The following ADGRF1 variants were observed in gnomAD, a reference collection of about 807,000 sequenced individuals.
ADGRF1 encodes the protein adhesion G protein-coupled receptor F1.
ADGRF1 carries 85 observed loss-of-function variants against 87.2 expected under a neutral mutation model. The observed-to-expected ratio is 0.97, with a 90% confidence interval of 0.82 to 1.17. The LOEUF (loss-of-function observed/expected upper bound fraction) is 1.17. Ranked by LOEUF, ADGRF1 falls within the 50% of genes most tolerant of loss-of-function variation. The probability of loss-of-function intolerance (pLI) is 0.00; values close to 1 mark genes in which losing one functional copy is unlikely to be tolerated. For missense variants in ADGRF1, 1,169 were observed against 1,077.2 expected, an observed-to-expected ratio of 1.09 and a Z score of -1.19; for synonymous variants, 430 against 408.8, an observed-to-expected ratio of 1.05 and a Z score of -0.63.
chr6:47,023,709 AAGAG>A (rs1327474910), intron 5 of ADGRF1, among the ~76,000 whole-genome samples: 1 of 152,202 alleles, frequency 6.6e-6, no homozygotes, highest in African/African-American at 2.4e-5. Context: ...AAGACGTGAA[AAGAG>A]AGTAGGAAGA....
chr6:47,007,114 C>T, intron 12 of ADGRF1, 139 bp downstream of exon 12: 1 of 494,236 alleles, frequency 2.0e-6, no homozygotes, highest in Non-Finnish European at 3.6e-6. Context: ...CTGAGCCTGA[C>T]TTCTCTAAAA....
chr6:47,038,641 A>G (rs1780657951), intron 1 of ADGRF1, among the ~76,000 whole-genome samples: 1 of 152,176 alleles, frequency 6.6e-6, no homozygotes, highest in Non-Finnish European at 1.5e-5. Flanking sequence ...TATTATTGTT[A>G]AGTATAATCA....
intron 13 of ADGRF1, among the ~76,000 whole-genome samples, chr6:47,004,272 T>C (rs1779451362): frequency 6.6e-6 from 1 of 152,210 alleles, no homozygotes; most frequent in Non-Finnish European, 1.5e-5. Flanking sequence ...GGGGTCCTGC[T>C]TTTTCATTCA....
chr6:47,013,004 C>T (rs935625898), intron 9 of ADGRF1: 33 of 889,940 alleles, frequency 3.7e-5, no homozygotes, highest in Non-Finnish European at 4.2e-5. Flanking sequence ...GAACTCTTGA[C>T]CTCATGATCT....
chr6:47,009,366 A>T lies in ADGRF1; in HGVS notation c.2069T>A (p.Phe690Tyr). The T allele has an allele frequency of 1.2e-6, 2 of 1,614,174 alleles. No individual in the cohort carries two copies. The highest frequency in any genetic ancestry group is 4.5e-5 in the East Asian group (2 of 44,884). Residue 690 changes from phenylalanine to tyrosine, a missense_variant, in exon 11 of 15, where the codon TTC becomes TAC. By Grantham distance (22) the Phe-to-Tyr change is conservative. Coordinates refer to ENST00000371253, the MANE Select transcript of ADGRF1 (RefSeq NM_153840.4). ...CATCAAATGCTGGGCCATGTGATGG[A>T]ACACGAGGATGATCCGGTAAGCCAG... is the stretch of plus-strand genomic sequence containing the variant. ...ILLAYRIILV[F>Y]HHMAQHLMMA...
At chr6:47,014,542 T>A in intron 9 of ADGRF1, 139 bp downstream of exon 9, 1 of 1,452,052 alleles carries the variant, frequency 6.9e-7, no homozygotes, top group Non-Finnish European at 9.1e-7. Context: ...TTCACCAGGG[T>A]CTGATGTCAT....
At chr6:47,017,911 A>G (rs1284637590) in intron 7 of ADGRF1, 1 of 153,602 alleles carries the variant, frequency 6.5e-6, no homozygotes, top group Non-Finnish European at 1.4e-5. Flanking sequence ...TGATAGAGTC[A>G]TACACAAAGT....
chr6:47,020,359 G>C lies in ADGRF1; in HGVS notation c.611+372C>G. 3 of 799,302 alleles carry C rather than the reference G, an allele frequency of 3.8e-6. No individual in the cohort carries two copies. The East Asian group carries it at 8.6e-5, about 23-fold the overall frequency. 49.5% of individuals were successfully genotyped at this position (799,302 alleles called of 1,614,324 possible). A position where few individuals can be genotyped will look rare whatever the true frequency, so the allele number is the denominator to read the frequency against. On this transcript the variant is annotated intron_variant, in intron 7 of 14. Coordinates refer to ENST00000371253, the MANE Select transcript of ADGRF1 (RefSeq NM_153840.4). ...AATACAAAAAAAGTTAGCTGGATGTGGTGGCAGGTGTCTGTAATTCCAGCT... is the reference window on the plus strand; with the variant it reads ...AATACAAAAAAAGTTAGCTGGATGTCGTGGCAGGTGTCTGTAATTCCAGCT...
chr6:47,010,637 TC>T (rs1236590219), intron 10 of ADGRF1, among the ~76,000 whole-genome samples: 1 of 152,166 alleles, frequency 6.6e-6, no homozygotes, highest in Non-Finnish European at 1.5e-5. Context: ...TTTCCTCCTC[TC>T]CGAGATGTTA....
intron 1 of ADGRF1, among the ~76,000 whole-genome samples, chr6:47,031,353 C>CTG (rs1483101014): frequency 2.8e-4 from 17 of 59,812 alleles, no homozygotes; most frequent in African/African-American, 1.7e-3. Context: ...CTCTCTCTGT[C>CTG]TCTCTCTCTC....
chr6:47,004,074 G>T lies in ADGRF1; in HGVS notation c.2592+1743C>A, dbSNP rs115701880. Among the ~76,000 whole-genome samples the T allele has an allele frequency of 2.3e-3, 345 of 152,010 alleles. 2 individuals carry two copies. The highest frequency in any genetic ancestry group is 3.4e-3 in the Middle Eastern group (1 of 294). ...ATTTGTTTTCAGAGTCTCTTCACTG[G>T]CTCACCCCTCCCAACATATGAACTT... is the stretch of plus-strand genomic sequence containing the variant. On this transcript the variant is annotated intron_variant, in intron 13 of 14. Transcript: ENST00000371253.
At chr6:47,011,253 T>C (rs1015916059) in intron 10 of ADGRF1, among the ~76,000 whole-genome samples, 20 of 152,232 alleles carry the variant, frequency 1.3e-4, no homozygotes, top group Non-Finnish European at 4.4e-5. Context: ...TCAGGGAGTT[T>C]AACTTACTGA....
At chr6:47,012,697 T>C (rs1204847484) in intron 9 of ADGRF1, 28 of 985,478 alleles carry the variant, frequency 2.8e-5, no homozygotes, top group Non-Finnish European at 3.1e-5. Flanking sequence ...CGTTGTAAGA[T>C]GGGAAGAGAG....
Position 47,009,635 on chromosome 6 carries a change from G to A in ADGRF1, c.1800C>T (p.Leu600=), listed in dbSNP as rs143911976. The A allele has an allele frequency of 6.0e-4, 975 of 1,614,158 alleles. 3 individuals are homozygous for A. Among genetic ancestry groups the A allele is most frequent in the Non-Finnish European group, 7.7e-4 (908 of 1,180,008 alleles). ...YVGLGISIGS[L]ILCLIIEALF... Reference sequence around the variant, plus strand: ...AAGCCTCGATGATCAGGCATAAAATGAGACTTCCAATGGAGATACCCAGTC... The same window carrying A: ...AAGCCTCGATGATCAGGCATAAAATAAGACTTCCAATGGAGATACCCAGTC... The change falls in exon 11 of 15, where the codon CTC becomes CTT. Residue 600 remains leucine (L), a synonymous_variant. Coordinates refer to ENST00000371253, the MANE Select transcript of ADGRF1 (RefSeq NM_153840.4).
intron 10 of ADGRF1, 48 bp downstream of exon 10, chr6:47,011,959 C>T: frequency 3.2e-6 from 5 of 1,539,060 alleles, no homozygotes; most frequent in Non-Finnish European, 4.5e-6. Flanking sequence ...ATTCCTCCTA[C>T]AGGATCAAGC....
At chr6:47,003,371 G>A (rs748215945) in intron 13 of ADGRF1, among the ~76,000 whole-genome samples, 4 of 152,178 alleles carry the variant, frequency 2.6e-5, no homozygotes, top group Non-Finnish European at 4.4e-5. Context: ...GCCCTGCAAA[G>A]CTGTCTCTTG....
chr6:47,022,654 T>C (rs1440757783), intron 5 of ADGRF1, among the ~76,000 whole-genome samples: 1 of 152,186 alleles, frequency 6.6e-6, no homozygotes, highest in Non-Finnish European at 1.5e-5. Context: ...TTCCTAAACA[T>C]TGATTTGTGT....
chr6:47,029,159 C>T, intron 1 of ADGRF1, 55 bp from the exon 2 acceptor site: 2 of 1,003,178 alleles, frequency 2.0e-6, no homozygotes, highest in Non-Finnish European at 3.1e-6. Flanking sequence ...AAATTCAAGC[C>T]AAAATGTAAA....
chr6:47,006,995 AG>A (rs1376536624), intron 12 of ADGRF1, among the ~76,000 whole-genome samples: 2 of 152,352 alleles, frequency 1.3e-5, no homozygotes, highest in Admixed American at 6.5e-5. Context: ...AAATTAGAAA[AG>A]TTAAAGGTAA....
Sources: gnomAD v4.1 joint callset for allele counts (sites outside exome capture counted in the v4.1 genomes callset) on GRCh38, gnomAD v4.1.1 for gene constraint, MANE v1.5 for transcripts, NCBI Gene and HGNC (gene_info 2026-07-23, HGNC 2026-07-21) for gene names.